The following CSMD2 variants were observed in gnomAD, a reference collection of about 807,000 sequenced individuals.
The protein encoded by CSMD2 is CUB and sushi domain-containing protein 2.
Under a neutral mutation model 398.5 loss-of-function variants are expected in CSMD2, and 130 were observed. The ratio of observed to expected loss-of-function variants is 0.33; its 90% CI spans 0.28 to 0.38. The LOEUF (loss-of-function observed/expected upper bound fraction) is 0.38, where lower values mean the gene tolerates loss of function less well. Ranked by LOEUF, CSMD2 falls within the 10% of genes least tolerant of loss-of-function variation. The probability of loss-of-function intolerance (pLI) is 1.00; values close to 1 mark genes in which losing one functional copy is unlikely to be tolerated. For synonymous variants in CSMD2, 1,828 were observed against 1,908.5 expected (o/e 0.96, Z 1.10); for missense variants, 3,829 against 4,764.9 (o/e 0.80, Z 5.78).
intron 5 of CSMD2, chr1:33,870,395 C>T (rs1339908694): frequency 6.6e-6 from 1 of 152,076 alleles, no homozygotes; most frequent in Admixed American, 6.5e-5. Context: ...AAAGCTTGGC[C>T]CAGGGCCCAA....
intron 5 of CSMD2, among the ~76,000 whole-genome samples, chr1:33,878,902 ATATC>A (rs1372581865): frequency 6.6e-6 from 1 of 152,226 alleles, no homozygotes. Context: ...AGCAAAGAGA[ATATC>A]TATTTATATG....
At chr1:33,977,430 G>A (rs1480090856) in intron 3 of CSMD2, among the ~76,000 whole-genome samples, 2 of 151,966 alleles carry the variant, frequency 1.3e-5, no homozygotes, top group African/African-American at 4.8e-5. Flanking sequence ...CCCCATGAAT[G>A]TTCAGACACC....
rs901637930 is a variant in CSMD2 at position 33,716,379 on chromosome 1, T to C, written c.3124A>G (p.Ile1042Val). ...AAGTTGCCATAGAGCCCAGCGCTGA[T>C]GGGAGCTGGCAGCCGAGATCCAGTT... ...QLTGSRLPAP[I>V]SAGLYGNFTA... The change falls in exon 20 of 71, where the codon ATC becomes GTC. Residue 1042 changes from isoleucine to valine, a missense_variant. By Grantham distance (29) the Ile-to-Val change is conservative. Around this residue, in one of 5 missense-constraint regions of CSMD2, gnomAD observed 2,001 missense variants for 2,567.1 expected, o/e 0.78. Transcript: ENST00000373381. 3.1e-6 allele frequency: 5 copies of C among 1,614,030 alleles called. No homozygotes were observed. Among genetic ancestry groups the C allele is most frequent in the Non-Finnish European group, 4.2e-6 (5 of 1,179,996 alleles).
intron 9 of CSMD2, among the ~76,000 whole-genome samples, chr1:33,816,155 G>T (rs191034419): frequency 6.6e-6 from 1 of 152,092 alleles, no homozygotes; most frequent in Admixed American, 6.5e-5. Flanking sequence ...TTTAACTTAG[G>T]TCTCTAAGTC....
At chr1:33,575,495 C>T (rs12078465) in intron 49 of CSMD2, among the ~76,000 whole-genome samples, 23,239 of 151,870 alleles carry the variant, frequency 0.15, 1,874 homozygotes, top group East Asian at 0.24. Context: ...TTGCTGGCCA[C>T]GGAACTAGGA....
chr1:33,832,105 A>G (rs1659648163), intron 6 of CSMD2, among the ~76,000 whole-genome samples: 1 of 129,602 alleles, frequency 7.7e-6, no homozygotes, highest in Non-Finnish European at 1.6e-5. Flanking sequence ...CAGATCAACG[A>G]GACAGAAAGT....
Position 33,537,034 on chromosome 1 carries a change from A to T in CSMD2, c.9867T>A (p.Ser3289=). Residue 3289 remains serine (S), a synonymous_variant, in exon 62 of 71, where the codon TCT becomes TCA. Transcript: ENST00000373381. The surrounding 1 kb of genome is among the most constrained non-coding windows in gnomAD (Gnocchi z 4.6). ...CTGACCTCCTTACCTGGTAGCCCTG[A>T]GAATTGTTCTGTATCCCAAACTGTG... The part of the protein sequence containing the change: ...GVPQFGIQNN[S]QGYQVGSTVL... 1 of 1,614,174 alleles carries T rather than the reference A, an allele frequency of 6.2e-7. No homozygotes were observed.
Position 33,748,843 on chromosome 1 carries a change from T to C in CSMD2, c.1847-5237A>G, listed in dbSNP as rs367730562. On this transcript the variant is annotated intron_variant, in intron 13 of 70. Transcript: ENST00000373381. ...AACTCTGTAGTCTTCAAACAAGGAA[T>C]GCAAACTTCTTTACAGGTGCCCATG... 6.0e-4 allele frequency among the ~76,000 whole-genome samples: 92 copies of C among 152,280 alleles called. 2 individuals carry two copies. The South Asian group carries it at 0.017, about 29-fold the overall frequency.
chr1:33,836,695 T>C (rs1041423984), intron 6 of CSMD2, among the ~76,000 whole-genome samples: 1 of 152,188 alleles, frequency 6.6e-6, no homozygotes, highest in Admixed American at 6.5e-5. Flanking sequence ...GTGTGCCATT[T>C]GCTAAGACTG....
At chr1:33,592,334 A>C (rs543006358) in intron 44 of CSMD2, 3 of 714,078 alleles carry the variant, frequency 4.2e-6, no homozygotes, top group Non-Finnish European at 7.8e-6. Flanking sequence ...GCAAAAGTAG[A>C]ATCTCTTGGG....
intron 60 of CSMD2, among the ~76,000 whole-genome samples, chr1:33,539,409 A>G (rs1001051908): frequency 4.6e-5 from 7 of 152,242 alleles, no homozygotes; most frequent in African/African-American, 1.7e-4. Flanking sequence ...AAAAATGATG[A>G]TGCATAGATC....
At chr1:33,709,061 C>T (rs890324336) in intron 22 of CSMD2, 28 bp downstream of exon 22, 8 of 1,585,990 alleles carry the variant, frequency 5.0e-6, no homozygotes, top group East Asian at 4.5e-5. Context: ...TACTATAACA[C>T]ACATACTCTG....
chr1:33,901,853 C>T (rs1043219089), intron 5 of CSMD2, among the ~76,000 whole-genome samples: 8 of 152,142 alleles, frequency 5.3e-5, no homozygotes, highest in Admixed American at 2.0e-4. Flanking sequence ...CAAACCTATA[C>T]GTCAAACATA....
chr1:34,106,170 T>A (rs1329828409), intron 1 of CSMD2, among the ~76,000 whole-genome samples: 3 of 152,086 alleles, frequency 2.0e-5, no homozygotes, highest in African/African-American at 7.2e-5. Flanking sequence ...CACAGTGGAT[T>A]GTAGGAGACA....
chr1:33,956,443 T>C (rs1181906109), intron 3 of CSMD2, among the ~76,000 whole-genome samples: 2 of 152,190 alleles, frequency 1.3e-5, no homozygotes, highest in African/African-American at 4.8e-5. Context: ...ACTGGCATCC[T>C]TCACTTCGCA....
At chr1:33,542,035 G>A (rs1172900166) in intron 58 of CSMD2, among the ~76,000 whole-genome samples, 6 of 152,202 alleles carry the variant, frequency 3.9e-5, no homozygotes, top group Non-Finnish European at 8.8e-5. Flanking sequence ...GGCTTGGTGA[G>A]CTCTGGTCTC....
chr1:33,976,901 T>C (rs1645986404), intron 3 of CSMD2, among the ~76,000 whole-genome samples: 2 of 152,054 alleles, frequency 1.3e-5, no homozygotes, highest in African/African-American at 4.8e-5. Flanking sequence ...CCCTTCCCTT[T>C]AGGTTCTTCA....
intron 1 of CSMD2, among the ~76,000 whole-genome samples, chr1:34,122,653 G>A (rs1662313619): frequency 6.6e-6 from 1 of 152,036 alleles, no homozygotes; most frequent in East Asian, 1.9e-4. Flanking sequence ...AATTTTCATA[G>A]AGCCTCCTCC....
chr1:34,140,406 C>T (rs1639179642), intron 1 of CSMD2, among the ~76,000 whole-genome samples: 1 of 152,050 alleles, frequency 6.6e-6, no homozygotes, highest in Non-Finnish European at 1.5e-5. Context: ...AGCAAAGGCA[C>T]CGCCACTTGC....
Sources: gnomAD v4.1 joint callset for allele counts (sites outside exome capture counted in the v4.1 genomes callset) on GRCh38, gnomAD v4.1.1 for gene constraint, gnomAD v4.1.1 regional missense constraint, Gnocchi (gnomAD v3.1) non-coding constraint, MANE v1.5 for transcripts, NCBI Gene and HGNC (gene_info 2026-07-23, HGNC 2026-07-21) for gene names.